The following ALPL variants were observed in gnomAD, a reference collection of about 807,000 sequenced individuals.
ALPL encodes the protein alkaline phosphatase, tissue-nonspecific isozyme.
In ALPL, 42 loss-of-function variants were observed where a neutral mutation model predicts 51.3. The observed-to-expected ratio is 0.82, with a 90% CI of 0.64 to 1.06. The LOEUF is 1.06. Among genes scored for constraint, ALPL ranks in the 50% least tolerant of loss-of-function variants. The probability of loss-of-function intolerance (pLI) is 0.00; values close to 1 mark genes in which losing one functional copy is unlikely to be tolerated. For missense variants in ALPL, 589 were observed against 709.4 expected (o/e 0.83, Z 1.93); for synonymous variants, 279 against 296.4 (o/e 0.94, Z 0.60).
chr1:21,523,385 C>G (rs1428387101), intron 1 of ALPL, among the ~76,000 whole-genome samples: 2 of 152,198 alleles, frequency 1.3e-5, no homozygotes, highest in Middle Eastern at 3.2e-3. Flanking sequence ...GTGTGAACAC[C>G]AGCACTCAGG....
At chr1:21,534,367 G>T (rs1308088127) in intron 1 of ALPL, among the ~76,000 whole-genome samples, 2 of 152,244 alleles carry the variant, frequency 1.3e-5, no homozygotes, top group African/African-American at 4.8e-5. Flanking sequence ...TAAGCCAGAA[G>T]TTAATTGAGG....
rs1405477607 is a variant in ALPL at position 21,560,751 on chromosome 1, G to A, written c.181+6G>A. On this transcript the variant is annotated splice_donor_region_variant and intron_variant, in intron 3 of 11. Coordinates refer to ENST00000374840, the MANE Select transcript of ALPL (RefSeq NM_000478.6). ...CATCATGTTCCTGGGAGATGGTGAGGCCCAGGGGCCTGTGGGAGGGGTGGA... is the reference window on the plus strand; with the variant it reads ...CATCATGTTCCTGGGAGATGGTGAGACCCAGGGGCCTGTGGGAGGGGTGGA... The A allele has an allele frequency of 2.5e-6, 4 of 1,613,950 alleles. No individual in the cohort carries two copies. The highest frequency in any genetic ancestry group is 1.1e-5 in the South Asian group (1 of 91,080).
In ALPL at chr1:21,563,206, G is replaced by A. The variant is rs757771793; in HGVS notation, c.394G>A (p.Ala132Thr). Residue 132 changes from alanine (A) to threonine (T), a missense_variant, in exon 5 of 12, where the codon GCA becomes ACA. Transcript: ENST00000374840. ...CAATGAGGGCACCGTGGGGGTAAGCGCAGCCACTGAGCGTTCCCGGTGCAA... is the reference window on the plus strand; with the variant it reads ...CAATGAGGGCACCGTGGGGGTAAGCACAGCCACTGAGCGTTCCCGGTGCAA... ...KANEGTVGVS[A>T]ATERSRCNTT... is the part of the protein sequence containing the mutation. 3.1e-6 allele frequency: 5 copies of A among 1,613,962 alleles called. No homozygotes were observed. The highest frequency in any genetic ancestry group is 1.1e-5 in the South Asian group (1 of 91,076).
intron 1 of ALPL, among the ~76,000 whole-genome samples, chr1:21,551,094 C>T (rs1158309756): frequency 6.6e-6 from 1 of 152,172 alleles, no homozygotes; most frequent in Non-Finnish European, 1.5e-5. Context: ...GGCGAGCGGA[C>T]CTTCCGGTAG....
At chr1:21,546,004 C>G (rs768564875) in intron 1 of ALPL, among the ~76,000 whole-genome samples, 2 of 151,838 alleles carry the variant, frequency 1.3e-5, no homozygotes, top group East Asian at 3.9e-4. Flanking sequence ...TTAGTAGACA[C>G]GGGGTTTCAT....
chr1:21,512,709 T>C (rs1174899124), intron 1 of ALPL, among the ~76,000 whole-genome samples: 1 of 152,188 alleles, frequency 6.6e-6, no homozygotes, highest in Non-Finnish European at 1.5e-5. Flanking sequence ...CGTATTTTTC[T>C]GCCTCCTTGT....
intron 1 of ALPL, among the ~76,000 whole-genome samples, chr1:21,529,832 C>T (rs971172475): frequency 1.3e-5 from 2 of 151,908 alleles, no homozygotes; most frequent in African/African-American, 2.4e-5. Flanking sequence ...AGTGCAGTGG[C>T]GTGATCTCTG....
intron 1 of ALPL, among the ~76,000 whole-genome samples, chr1:21,525,725 C>T (rs1166048366): frequency 6.6e-6 from 1 of 152,212 alleles, no homozygotes; most frequent in East Asian, 1.9e-4. Flanking sequence ...CCGCGGCTCA[C>T]GCCTGTAGTC....
At chr1:21,561,267 G>A (rs1644481581) in intron 4 of ALPL, 55 bp downstream of exon 4, 2 of 1,472,868 alleles carry the variant, frequency 1.4e-6, no homozygotes. Context: ...TCCAGGTCGA[G>A]CATCTGAACA....
chr1:21,561,477 A>G (rs1205081808), intron 4 of ALPL, among the ~76,000 whole-genome samples: 1 of 151,648 alleles, frequency 6.6e-6, no homozygotes, highest in Non-Finnish European at 1.5e-5. Context: ...GCAGCCTCCA[A>G]CTCCTGGGCT....
intron 7 of ALPL, 132 bp from the exon 8 acceptor site, chr1:21,570,173 T>G: frequency 1.2e-6 from 1 of 839,762 alleles, no homozygotes; most frequent in Admixed American, 2.0e-5. Context: ...TCAGGGATGG[T>G]GGGTCCTCAG....
chr1:21,565,672 G>A (rs571799212), intron 6 of ALPL, among the ~76,000 whole-genome samples: 3 of 151,942 alleles, frequency 2.0e-5, no homozygotes, highest in Admixed American at 6.6e-5. Context: ...GAGTGAGGAC[G>A]GAGGACCTGT....
chr1:21,555,900 A>G (rs1398929639), intron 2 of ALPL, among the ~76,000 whole-genome samples: 1 of 151,698 alleles, frequency 6.6e-6, no homozygotes, highest in Non-Finnish European at 1.5e-5. Context: ...CCTCCCAAGT[A>G]GCTGGGACTA....
intron 5 of ALPL, among the ~76,000 whole-genome samples, chr1:21,563,495 A>C (rs1395244200): frequency 1.3e-5 from 2 of 152,140 alleles, no homozygotes; most frequent in African/African-American, 4.8e-5. Flanking sequence ...TTCTGGTCCC[A>C]GTTCATTTCT....
chr1:21,575,698 C>T, intron 9 of ALPL, 35 bp from the exon 10 acceptor site: 1 of 1,612,696 alleles, frequency 6.2e-7, no homozygotes. Context: ...TCCTCCCCTC[C>T]TCCCTCACCG....
chr1:21,576,553 G>C lies in ALPL; in HGVS notation c.1221G>C (p.Lys407Asn). 4.3e-6 allele frequency: 7 copies of C among 1,613,996 alleles called. No homozygotes were observed. The highest frequency in any genetic ancestry group is 5.9e-6 in the Non-Finnish European group (7 of 1,179,950). The change falls in exon 11 of 12, where the codon AAG (lysine) becomes AAC (asparagine). Residue 407 changes from lysine to asparagine, a missense_variant. Lys to Asn is a moderately conservative substitution (Grantham distance 94). Transcript: ENST00000374840. ...CCCCCATGCTGAGTGACACAGACAA[G>C]AAGCCCTTCACTGCCATCCTGTATG... ...GLAPMLSDTD[K>N]KPFTAILYGN...
At chr1:21,550,829 CGAT>C (rs1644311456) in intron 1 of ALPL, among the ~76,000 whole-genome samples, 1 of 152,108 alleles carries the variant, frequency 6.6e-6, no homozygotes, top group Non-Finnish European at 1.5e-5. Flanking sequence ...TTACCTTGTG[CGAT>C]TCATTCATGT....
At chr1:21,537,028 C>A (rs1011928495) in intron 1 of ALPL, among the ~76,000 whole-genome samples, 1 of 151,276 alleles carries the variant, frequency 6.6e-6, no homozygotes, top group African/African-American at 2.4e-5. Flanking sequence ...TCCTGAGTAG[C>A]TGGGATTATT....
chr1:21,576,463 G>C, intron 10 of ALPL, 59 bp from the exon 11 acceptor site: 1 of 1,600,308 alleles, frequency 6.2e-7, no homozygotes, highest in Non-Finnish European at 8.5e-7. Context: ...TAATCTGGGG[G>C]CTGGGGACTG....
Sources: gnomAD v4.1 joint callset for allele counts (sites outside exome capture counted in the v4.1 genomes callset) on GRCh38, gnomAD v4.1.1 for gene constraint, MANE v1.5 for transcripts, NCBI Gene and HGNC (gene_info 2026-07-23, HGNC 2026-07-21) for gene names.